Variants in CNTN5 observed in about 807,000 individuals in gnomAD.
CNTN5 encodes the protein contactin 5.
In CNTN5, 77 loss-of-function variants were observed where a neutral mutation model predicts 129.1. The ratio of observed to expected loss-of-function variants is 0.60; its 90% CI spans 0.50 to 0.72. The LOEUF (loss-of-function observed/expected upper bound fraction) is 0.72, where lower values mean the gene tolerates loss of function less well. Among genes scored for constraint, CNTN5 ranks in the 30% least tolerant of loss-of-function variants. The pLI is 0.00. For synonymous variants in CNTN5, 509 were observed against 465.6 expected (o/e 1.09, Z -1.20); for missense variants, 1,478 against 1,328.8 (o/e 1.11, Z -1.75).
At chr11:99,800,714 T>C (rs544620884) in intron 3 of CNTN5, among the ~76,000 whole-genome samples, 2 of 152,202 alleles carry the variant, frequency 1.3e-5, no homozygotes, top group Admixed American at 1.3e-4. Context: ...CTGCTGTTGG[T>C]TTAAAGTATG....
chr11:99,192,757 T>TAGTTGTATGAACACTGA (rs1302597061), intron 1 of CNTN5, among the ~76,000 whole-genome samples: 1 of 152,106 alleles, frequency 6.6e-6, no homozygotes, highest in African/African-American at 2.4e-5. Flanking sequence ...GAACATTCCC[T>TAGTTGTATGAACACTGA]AGTTGTATGA....
chr11:99,879,083 G>A (rs1418733574), intron 6 of CNTN5, among the ~76,000 whole-genome samples: 12 of 151,928 alleles, frequency 7.9e-5, no homozygotes, highest in African/African-American at 9.6e-5. Context: ...GATTACAAGC[G>A]CGTACCACTA....
chr11:100,165,466 C>G (rs1232099775), intron 13 of CNTN5, among the ~76,000 whole-genome samples: 1 of 147,142 alleles, frequency 6.8e-6, no homozygotes, highest in African/African-American at 2.5e-5. Flanking sequence ...ACTAATGTAT[C>G]AAAAGAGCTC....
intron 1 of CNTN5, among the ~76,000 whole-genome samples, chr11:99,118,690 T>C (rs1858159788): frequency 6.6e-6 from 1 of 152,104 alleles, no homozygotes; most frequent in Non-Finnish European, 1.5e-5. Flanking sequence ...TTCCTAAATA[T>C]CATCTAATTA....
intron 1 of CNTN5, among the ~76,000 whole-genome samples, chr11:99,086,698 G>A (rs191527568): frequency 5.3e-5 from 8 of 152,258 alleles, no homozygotes; most frequent in South Asian, 4.1e-4. Flanking sequence ...ATGAACTAGT[G>A]TAGTTATTGG....
chr11:100,056,732 G>C (rs895114565), intron 9 of CNTN5, among the ~76,000 whole-genome samples: 1 of 151,612 alleles, frequency 6.6e-6, no homozygotes, highest in African/African-American at 2.4e-5. Flanking sequence ...ACATAGAGTA[G>C]TAGTTTTCTG....
At chr11:99,999,549 A>G (rs1280808644) in intron 8 of CNTN5, among the ~76,000 whole-genome samples, 2 of 152,094 alleles carry the variant, frequency 1.3e-5, no homozygotes, top group Non-Finnish European at 2.9e-5. Context: ...ACACTTTTAC[A>G]CTCTTAGTGG....
chr11:99,463,034 G>A (rs7115668), intron 2 of CNTN5, among the ~76,000 whole-genome samples: 1 of 151,624 alleles, frequency 6.6e-6, no homozygotes, highest in East Asian at 1.9e-4. Context: ...CTTGAACACA[G>A]GAGGCGGAGG....
chr11:99,336,295 T>C lies in CNTN5; in HGVS notation c.-71+10811T>C, dbSNP rs557891689. Among the ~76,000 whole-genome samples the C allele has an allele frequency of 7.2e-5, 11 of 152,302 alleles. No individual in the cohort carries two copies. The South Asian group carries it at 2.3e-3, about 32-fold the overall frequency. ...ATAAACAACCTAAGGGTATAATTTG[T>C]GCACTCTGAGTTGCTTGAATGGCAT... On this transcript the variant is annotated intron_variant, in intron 2 of 24. Transcript: ENST00000524871.
At chr11:99,842,185 A>G (rs958551953) in intron 4 of CNTN5, among the ~76,000 whole-genome samples, 1 of 151,818 alleles carries the variant, frequency 6.6e-6, no homozygotes, top group Non-Finnish European at 1.5e-5. Context: ...GTAAGCCACC[A>G]CACCCGGGTA....
chr11:99,767,549 A>C (rs1474628152), intron 3 of CNTN5, among the ~76,000 whole-genome samples: 3 of 151,850 alleles, frequency 2.0e-5, no homozygotes, highest in Non-Finnish European at 2.9e-5. Flanking sequence ...ACATGCCCAC[A>C]TTTGATATGC....
intron 13 of CNTN5, among the ~76,000 whole-genome samples, chr11:100,185,775 T>C (rs1181817943): frequency 3.9e-5 from 6 of 152,124 alleles, no homozygotes; most frequent in Non-Finnish European, 1.5e-5. Flanking sequence ...CTGCCACACA[T>C]GTGCACTGAG....
chr11:99,774,690 G>A (rs568949740), intron 3 of CNTN5, among the ~76,000 whole-genome samples: 1 of 151,876 alleles, frequency 6.6e-6, no homozygotes, highest in African/African-American at 2.4e-5. Flanking sequence ...TTACTTATTT[G>A]CTTTATTCTG....
intron 1 of CNTN5, among the ~76,000 whole-genome samples, chr11:99,064,495 G>C (rs180845495): frequency 6.6e-6 from 1 of 152,112 alleles, no homozygotes. Flanking sequence ...AAAGGCATCT[G>C]TTAGTCCAGA....
chr11:99,225,293 A>G (rs17133283), intron 1 of CNTN5, among the ~76,000 whole-genome samples: 14,507 of 152,144 alleles, frequency 0.095, 740 homozygotes, highest in Middle Eastern at 0.12. Flanking sequence ...ACAGGGCGCT[A>G]TAGGCCTGCG....
At chr11:100,158,460 T>A (rs1947330482) in intron 13 of CNTN5, among the ~76,000 whole-genome samples, 1 of 151,954 alleles carries the variant, frequency 6.6e-6, no homozygotes, top group Admixed American at 6.6e-5. Flanking sequence ...AACTTCATGT[T>A]GTTTACTTTG....
At chr11:99,580,225 A>G (rs1289115100) in intron 3 of CNTN5, among the ~76,000 whole-genome samples, 1 of 152,084 alleles carries the variant, frequency 6.6e-6, no homozygotes. Flanking sequence ...TGCTGGATTC[A>G]GTTTGCCAGT....
intron 3 of CNTN5, among the ~76,000 whole-genome samples, chr11:99,641,011 TTTG>T (rs1352190376): frequency 6.6e-6 from 1 of 152,180 alleles, no homozygotes; most frequent in Non-Finnish European, 1.5e-5. Flanking sequence ...TAAACATACT[TTTG>T]TAACTTAATT....
chr11:100,327,306 A>C (rs767703308), intron 21 of CNTN5, among the ~76,000 whole-genome samples: 1 of 152,206 alleles, frequency 6.6e-6, no homozygotes, highest in Non-Finnish European at 1.5e-5. Context: ...TGACTCCAGC[A>C]TCAAGTGCAC....
Sources: gnomAD v4.1 joint callset for allele counts (sites outside exome capture counted in the v4.1 genomes callset) on GRCh38, gnomAD v4.1.1 for gene constraint, MANE v1.5 for transcripts, NCBI Gene and HGNC (gene_info 2026-07-23, HGNC 2026-07-21) for gene names.